The following TNXB variants were observed in gnomAD, a reference collection of about 807,000 sequenced individuals.
TNXB encodes tenascin XB, also known as tenascin-X.
TNXB carries 183 observed loss-of-function variants against 340.5 expected under a neutral mutation model. The ratio of observed to expected loss-of-function variants is 0.54; its 90% CI spans 0.48 to 0.61. The LOEUF is 0.61. Ranked by LOEUF, TNXB falls within the 20% of genes least tolerant of loss-of-function variation. TNXB has a pLI of 0.00. For missense variants in TNXB, 4,613 were observed against 5,446.4 expected, an observed-to-expected ratio of 0.85 and a Z score of 4.82; for synonymous variants, 2,121 against 2,314.5, an observed-to-expected ratio of 0.92 and a Z score of 2.40.
chr6:32,081,232 C>T lies in TNXB; in HGVS notation c.4042+136G>A, dbSNP rs1039598152. The stretch of plus-strand genomic sequence containing the variant: ...GCATGCAGAGGACAGGAGAGCAGTG[C>T]GGGAGGAAGTGGGTGGAGGCTTTGG... On this transcript the variant is annotated intron_variant, in intron 10 of 43. Transcript: ENST00000644971. The surrounding 1 kb of genome is among the most constrained non-coding windows in gnomAD (Gnocchi z 5.1). 4.2e-5 allele frequency: 33 copies of T among 790,024 alleles called. No homozygotes were observed. Among genetic ancestry groups the T allele is most frequent in the Admixed American group, 1.5e-4 (6 of 39,800 alleles). 48.9% of individuals were successfully genotyped at this position (790,024 alleles called of 1,614,324 possible).
At position 32,082,925 on chromosome 6, in the gene TNXB, C is replaced by A. The variant is rs1474666111; in HGVS notation, c.3446-599G>T. 6.6e-6 allele frequency among the ~76,000 whole-genome samples: 1 copy of A among 152,138 alleles called. No homozygotes were observed. The highest frequency in any genetic ancestry group is 6.5e-5 in the Admixed American group (1 of 15,276). ...CTACTGTCACACCCCTCCTCACCCC[C>A]ACTCTGTGTGCATCTCTCTCTAGCC... On this transcript the variant is annotated intron_variant, in intron 8 of 43. Coordinates refer to ENST00000644971, the MANE Select transcript of TNXB (RefSeq NM_001365276.2). The surrounding 1 kb of genome is among the most constrained non-coding windows in gnomAD (Gnocchi z 5.0).
At chr6:32,055,812 C>T in intron 24 of TNXB, 39 bp downstream of exon 24, 7 of 1,574,354 alleles carry the variant, frequency 4.4e-6, no homozygotes, top group East Asian at 2.3e-5. Flanking sequence ...GAGAAAGCAA[C>T]ATCTTCTAGG....
Position 32,087,121 on chromosome 6 carries a change from C to G in TNXB, c.2780-1003G>C. 5.1e-6 allele frequency: 2 copies of G among 392,376 alleles called. No homozygotes were observed. The highest frequency in any genetic ancestry group is 3.7e-5 in the South Asian group (2 of 53,952). The allele number at this position is 392,376 out of a possible 1,614,324, so 24.3% of individuals were successfully genotyped here. A position where few individuals can be genotyped will look rare whatever the true frequency, so the allele number is the denominator to read the frequency against. The stretch of plus-strand genomic sequence containing the variant: ...TTGTCCTGGGGGCCCCCTGGAGCCC[C>G]GGCCAGGTAGGGCCTGAAGGTAGAA... On this transcript the variant is annotated intron_variant, in intron 6 of 43. Coordinates refer to ENST00000644971, the MANE Select transcript of TNXB (RefSeq NM_001365276.2). This position sits in a 1 kb window ranked among gnomAD's most constrained non-coding sequence, Gnocchi z 9.0.
Position 32,043,988 on chromosome 6 carries a change from C to T in TNXB, c.11386+19G>A. ...GGGAGAGGAAATGCGAGGCGATGAGCACATGGCAAAGGCACCACCTCCGTC... is the reference window on the plus strand; with the variant it reads ...GGGAGAGGAAATGCGAGGCGATGAGTACATGGCAAAGGCACCACCTCCGTC... On this transcript the variant is annotated intron_variant, in intron 34 of 43. Transcript: ENST00000644971. 6.2e-7 allele frequency: 1 copy of T among 1,604,776 alleles called. No individual in the cohort carries two copies. The highest frequency in any genetic ancestry group is 8.5e-7 in the Non-Finnish European group (1 of 1,176,322).
Position 32,084,569 on chromosome 6 carries a change from TG to T in TNXB, c.3288del (p.Tyr1096Ter), listed in dbSNP as rs1779660599. The T allele has an allele frequency of 1.2e-6, 2 of 1,608,834 alleles. No homozygotes were observed. The highest frequency in any genetic ancestry group is 1.7e-6 in the Non-Finnish European group (2 of 1,178,634). On this transcript the variant is annotated frameshift_variant, in exon 8 of 44. Transcript: ENST00000644971. LOFTEE classifies it high-confidence loss of function. This position sits in a 1 kb window ranked among gnomAD's most constrained non-coding sequence, Gnocchi z 5.5. ...EGEFDSFVIQ[Y>X]KDRDGQPQVV... The stretch of plus-strand genomic sequence containing the variant: ...ACCTGGGGCTGCCCGTCCCTGTCTT[TG>T]TACTGGATCACGAAGGAGTCAAACT...
rs756471108 is a variant in TNXB, at chr6:32,098,131, G to A, written c.68C>T (p.Ala23Val). The A allele has an allele frequency of 6.3e-7, 1 of 1,590,380 alleles. No individual in the cohort carries two copies. Among genetic ancestry groups the A allele is most frequent in the South Asian group, 1.1e-5 (1 of 88,836 alleles). Reference sequence around the variant, plus strand: ...ATTGGACCGTGAAGAGAAGGGGCCTGCTCTGGCTGTGCTCAGCAGCACCAG... The same window carrying A: ...ATTGGACCGTGAAGAGAAGGGGCCTACTCTGGCTGTGCTCAGCAGCACCAG... ...VLLVLLSTAR[A>V]GPFSSRSNVT... The change falls in exon 2 of 44, where the codon GCA (alanine) becomes GTA (valine). Residue 23 changes from alanine to valine, a missense_variant. This residue lies in a region of TNXB where 4,327 missense variants were observed against 4,859.4 expected (regional missense o/e 0.89). Transcript: ENST00000644971.
intron 18 of TNXB, among the ~76,000 whole-genome samples, chr6:32,065,693 C>T (rs1778299070): frequency 6.6e-6 from 1 of 152,158 alleles, no homozygotes; most frequent in African/African-American, 2.4e-5. Context: ...GATCTTGGCT[C>T]ACTGCAACCT....
chr6:32,055,473 G>A (rs1777567091), intron 24 of TNXB, among the ~76,000 whole-genome samples: 1 of 152,060 alleles, frequency 6.6e-6, no homozygotes, highest in Non-Finnish European at 1.5e-5. Flanking sequence ...TGCAGTCGAC[G>A]CGCTGCCCCT....
rs1779285328 is a variant in TNXB at position 32,079,132 on chromosome 6, T to C, written c.4276A>G (p.Thr1426Ala). Residue 1426 changes from threonine to alanine, a missense_variant, in exon 11 of 44, where the codon ACC becomes GCC. By Grantham distance (58) the Thr-to-Ala change is moderately conservative (BLOSUM62 0). Coordinates refer to ENST00000644971, the MANE Select transcript of TNXB (RefSeq NM_001365276.2). The surrounding 1 kb of genome is among the most constrained non-coding windows in gnomAD (Gnocchi z 7.1). ...VRVGGKESEV[T>A]VGGLEPGHKY... ...TGCCCGGGCTCTAGGCCTCCCACGG[T>C]GACCTCACTCTCCTTGCCCCCAACA... 5 of 1,613,800 alleles carry C rather than the reference T, an allele frequency of 3.1e-6. No individual in the cohort carries two copies. The highest frequency in any genetic ancestry group is 3.4e-6 in the Non-Finnish European group (4 of 1,179,888).
intron 1 of TNXB, among the ~76,000 whole-genome samples, chr6:32,100,847 TGAA>T (rs1780681293): frequency 6.6e-6 from 1 of 151,980 alleles, no homozygotes. Flanking sequence ...TTTGGGAGGC[TGAA>T]GTGGGCGGAT....
intron 3 of TNXB, 150 bp from the exon 4 acceptor site, chr6:32,095,341 G>T: frequency 2.8e-6 from 2 of 724,426 alleles, no homozygotes; most frequent in Non-Finnish European, 2.3e-6. Context: ...GCTGAACGGG[G>T]CTTGGATCGC....
At chr6:32,048,294 G>C in intron 29 of TNXB, 69 bp downstream of exon 29, 1 of 1,438,834 alleles carries the variant, frequency 7.0e-7, no homozygotes, top group Non-Finnish European at 9.2e-7. Flanking sequence ...GGCACAGAAC[G>C]TGAAATTCCA....
intron 11 of TNXB, among the ~76,000 whole-genome samples, chr6:32,078,168 C>CA (rs1323201460): frequency 6.6e-6 from 1 of 151,850 alleles, no homozygotes; most frequent in African/African-American, 2.4e-5. Flanking sequence ...GCTTTGTGGT[C>CA]AGGCGTGGTG....
Position 32,084,414 on chromosome 6 carries a change from G to A in TNXB, c.3444C>T (p.Ile1148=). The change falls in exon 8 of 44, where the codon ATC becomes ATT. Residue 1148 remains isoleucine (I), a splice_region_variant and synonymous_variant. Coordinates refer to ENST00000644971, the MANE Select transcript of TNXB (RefSeq NM_001365276.2). This position sits in a 1 kb window ranked among gnomAD's most constrained non-coding sequence, Gnocchi z 5.5. ...CAGGGTGTTACTGCTGTCACTCACAGATCTTGGCTTCAGCCACCAGCGGAC... is the reference window on the plus strand; with the variant it reads ...CAGGGTGTTACTGCTGTCACTCACAAATCTTGGCTTCAGCCACCAGCGGAC... The part of the protein sequence containing the change: ...RHGPLVAEAK[I]LPQSDPSPGT... 1 of 1,585,718 alleles carries A rather than the reference G, an allele frequency of 6.3e-7. No homozygotes were observed. Among genetic ancestry groups the A allele is most frequent in the Non-Finnish European group, 8.6e-7 (1 of 1,162,776 alleles).
At chr6:32,055,124 T>A (rs1777548455) in intron 24 of TNXB, among the ~76,000 whole-genome samples, 1 of 152,188 alleles carries the variant, frequency 6.6e-6, no homozygotes, top group Admixed American at 6.5e-5. Flanking sequence ...AGACGCCCGG[T>A]AATAGGGTTA....
rs958097990 is a variant in TNXB, at chr6:32,087,727, C to G, written c.2779+1058G>C. 4.1e-6 allele frequency: 2 copies of G among 489,084 alleles called. No homozygotes were observed. The highest frequency in any genetic ancestry group is 2.1e-5 in the Admixed American group (1 of 47,136). The allele number at this position is 489,084 out of a possible 1,614,324, so 30.3% of individuals were successfully genotyped here. On this transcript the variant is annotated intron_variant, in intron 6 of 43. Coordinates refer to ENST00000644971, the MANE Select transcript of TNXB (RefSeq NM_001365276.2). The surrounding 1 kb of genome is among the most constrained non-coding windows in gnomAD (Gnocchi z 9.0). ...CACCGACGTGTAAGTCTGGTTGGCC[C>G]GCAGTGGGTAGCCGTGAGCCCGCAG...
At chr6:32,071,962 G>A (rs764974609) in intron 13 of TNXB, 28 bp downstream of exon 13, 7 of 1,556,142 alleles carry the variant, frequency 4.5e-6, no homozygotes, top group Non-Finnish European at 6.1e-6. Context: ...TGTGGCCTCA[G>A]GCTCAGCTGT....
Position 32,086,046 on chromosome 6 carries a change from G to T in TNXB, c.2852C>A (p.Ala951Asp), listed in dbSNP as rs560124416. ...PPSGPSTTQG[A>D]QAPLLQQRPQ... ...GCGCTGCTGCAGGAGAGGAGCCTGG[G>T]CCCCTTGCGTCGTCGAGGGGCCTGA... Residue 951 changes from alanine to aspartate, a missense_variant, in exon 7 of 44, where the codon GCC becomes GAC. Around this residue, in one of 7 missense-constraint regions of TNXB, gnomAD observed 4,327 missense variants for 4,859.4 expected, o/e 0.89. Coordinates refer to ENST00000644971, the MANE Select transcript of TNXB (RefSeq NM_001365276.2). The T allele has an allele frequency of 6.2e-7, 1 of 1,600,464 alleles. No homozygotes were observed. Among genetic ancestry groups the T allele is most frequent in the Non-Finnish European group, 8.5e-7 (1 of 1,175,292 alleles).
intron 3 of TNXB, among the ~76,000 whole-genome samples, 191 bp from the exon 4 acceptor site, chr6:32,095,382 G>A (rs1780272047): frequency 6.6e-6 from 1 of 152,096 alleles, no homozygotes; most frequent in Non-Finnish European, 1.5e-5. Flanking sequence ...CAGGAGCACA[G>A]AATCTCCCTA....
Sources: gnomAD v4.1 joint callset for allele counts (sites outside exome capture counted in the v4.1 genomes callset) on GRCh38, gnomAD v4.1.1 for gene constraint, gnomAD v4.1.1 regional missense constraint, Gnocchi (gnomAD v3.1) non-coding constraint, MANE v1.5 for transcripts, NCBI Gene and HGNC (gene_info 2026-07-23, HGNC 2026-07-21) for gene names.